The following ACYP2 variants were observed in gnomAD, a reference collection of about 807,000 sequenced individuals.
ACYP2 encodes acylphosphatase 2.
ACYP2 carries 12 observed loss-of-function variants against 11.2 expected under a neutral mutation model. That is an observed-to-expected ratio of 1.08 (90% CI 0.69 to 1.74). The LOEUF (loss-of-function observed/expected upper bound fraction) is 1.74, where lower values mean the gene tolerates loss of function less well. Ranked by LOEUF, ACYP2 falls within the 40% of genes most tolerant of loss-of-function variation. The pLI, the probability that ACYP2 is intolerant of heterozygous loss-of-function variation, is 0.00. For missense variants in ACYP2, 134 were observed against 101.9 expected, an observed-to-expected ratio of 1.31 and a Z score of -1.35; for synonymous variants, 43 against 32.2, an observed-to-expected ratio of 1.33 and a Z score of -1.13.
chr2:54,242,426 A>G lies in ACYP2; in HGVS notation c.405-62262A>G, dbSNP rs554502493. 1.5e-3 allele frequency among the ~76,000 whole-genome samples: 236 copies of G among 152,344 alleles called. 1 individual carries two copies. The highest frequency in any genetic ancestry group is 5.5e-3 in the African/African-American group (229 of 41,578). On this transcript the variant is annotated intron_variant, in intron 6 of 6. Transcript: ENST00000607452. ...TTGGTTTTCTCCATTAAAATGGAAA[A>G]TTGGATTATATTTAGCAGAATGAAC...
At chr2:54,008,459 A>G (rs1172568314) in intron 2 of ACYP2, among the ~76,000 whole-genome samples, 1 of 152,222 alleles carries the variant, frequency 6.6e-6, no homozygotes, top group Admixed American at 6.5e-5. Flanking sequence ...GACTATGTGA[A>G]TAGTCTGAAG....
chr2:54,032,749 G>T (rs560877103), intron 2 of ACYP2, among the ~76,000 whole-genome samples: 1 of 152,222 alleles, frequency 6.6e-6, no homozygotes, highest in South Asian at 2.1e-4. Flanking sequence ...AAATACCTAG[G>T]AATCCAACTT....
At chr2:54,071,650 G>T (rs1677049534) in intron 4 of ACYP2, among the ~76,000 whole-genome samples, 1 of 152,014 alleles carries the variant, frequency 6.6e-6, no homozygotes, top group African/African-American at 2.4e-5. Flanking sequence ...ACAAGACAGG[G>T]TTTCACCATG....
chr2:54,234,173 CCT>C (rs1461178920), intron 6 of ACYP2, among the ~76,000 whole-genome samples: 1 of 152,126 alleles, frequency 6.6e-6, no homozygotes, highest in African/African-American at 2.4e-5. Flanking sequence ...AGAAGGACCC[CCT>C]GTTGAAGCTT....
intron 6 of ACYP2, among the ~76,000 whole-genome samples, chr2:54,158,193 C>CTTGGT (rs1682521959): frequency 8.2e-6 from 1 of 122,166 alleles, no homozygotes; most frequent in Non-Finnish European, 1.7e-5. Flanking sequence ...GCCCAGTTAA[C>CTTGGT]TTTGTTTTTT....
intron 6 of ACYP2, among the ~76,000 whole-genome samples, chr2:54,284,627 C>T (rs1689000760): frequency 6.6e-6 from 1 of 152,118 alleles, no homozygotes; most frequent in African/African-American, 2.4e-5. Flanking sequence ...CACAAATATG[C>T]TCTTGTATCT....
intron 2 of ACYP2, among the ~76,000 whole-genome samples, chr2:53,984,925 C>A (rs1671955041): frequency 6.6e-6 from 1 of 151,842 alleles, no homozygotes; most frequent in South Asian, 2.1e-4. Context: ...AAGCTCTGTA[C>A]CTAACAATGA....
chr2:54,081,351 T>G (rs1477270057), intron 4 of ACYP2, among the ~76,000 whole-genome samples: 1 of 152,194 alleles, frequency 6.6e-6, no homozygotes, highest in African/African-American at 2.4e-5. Context: ...CCATCCACAA[T>G]GCACCTCTAA....
intron 6 of ACYP2, among the ~76,000 whole-genome samples, chr2:54,174,752 C>T (rs1458376388): frequency 6.6e-6 from 1 of 152,130 alleles, no homozygotes; most frequent in Admixed American, 6.6e-5. Flanking sequence ...TGAATTTTGT[C>T]AAAGGCCTTT....
intron 6 of ACYP2, among the ~76,000 whole-genome samples, chr2:54,299,322 G>A (rs1003492156): frequency 5.3e-5 from 8 of 152,092 alleles, no homozygotes; most frequent in Admixed American, 1.3e-4. Flanking sequence ...GGCCGGGCAC[G>A]GTGGCTCATG....
At chr2:54,068,072 C>G (rs1302393896) in intron 4 of ACYP2, among the ~76,000 whole-genome samples, 1 of 152,134 alleles carries the variant, frequency 6.6e-6, no homozygotes, top group Non-Finnish European at 1.5e-5. Flanking sequence ...CACTGATAAG[C>G]CAGCTTAGCT....
chr2:54,099,422 G>T (rs1008658061), intron 4 of ACYP2, among the ~76,000 whole-genome samples: 4 of 152,106 alleles, frequency 2.6e-5, no homozygotes, highest in Middle Eastern at 3.2e-3. Context: ...CCTTTGACCA[G>T]CGTCTCCCCA....
intron 2 of ACYP2, among the ~76,000 whole-genome samples, chr2:54,035,304 C>G (rs1326880076): frequency 2.2e-5 from 3 of 137,254 alleles, no homozygotes; most frequent in Admixed American, 7.9e-5. Context: ...CTCGCTCTGT[C>G]GCCCAGGCTG....
At chr2:54,268,274 T>G (rs1048283233) in intron 6 of ACYP2, among the ~76,000 whole-genome samples, 7 of 152,252 alleles carry the variant, frequency 4.6e-5, no homozygotes, top group African/African-American at 1.7e-4. Context: ...AATGAGGTTG[T>G]TGGACTACTT....
At chr2:54,133,637 G>A (rs1401619674) in intron 4 of ACYP2, among the ~76,000 whole-genome samples, 1 of 152,172 alleles carries the variant, frequency 6.6e-6, no homozygotes, top group Non-Finnish European at 1.5e-5. Flanking sequence ...AAAGAAGCCT[G>A]TTCTAATTCA....
chr2:54,196,652 T>A (rs1471439395), intron 6 of ACYP2, among the ~76,000 whole-genome samples: 1 of 152,242 alleles, frequency 6.6e-6, no homozygotes, highest in African/African-American at 2.4e-5. Flanking sequence ...TGTGAGGGGC[T>A]GTCCTGTGCA....
At chr2:54,265,392 A>AC (rs1687972208) in intron 6 of ACYP2, among the ~76,000 whole-genome samples, 1 of 152,072 alleles carries the variant, frequency 6.6e-6, no homozygotes, top group Non-Finnish European at 1.5e-5. Context: ...GGAAAGACCC[A>AC]CCCCCATGAT....
intron 2 of ACYP2, among the ~76,000 whole-genome samples, chr2:54,039,819 T>TTGTGTGTGTGTGTGTGTGTGTGTGTG (rs751604890): frequency 7.9e-6 from 1 of 126,608 alleles, no homozygotes; most frequent in Non-Finnish European, 1.6e-5. Flanking sequence ...TTGTTTTCTT[T>TTGTGTGTGTGTGTGTGTGTGTGTGTG]TGTGTGTGTG....
intron 2 of ACYP2, among the ~76,000 whole-genome samples, chr2:53,991,190 A>C (rs1435492560): frequency 2.6e-5 from 4 of 151,984 alleles, no homozygotes; most frequent in Non-Finnish European, 5.9e-5. Context: ...TGATTTTATA[A>C]TTTTCTCTCA....
Sources: allele counts gnomAD v4.1 joint callset (sites outside exome capture counted in the v4.1 genomes callset), GRCh38; gene constraint gnomAD v4.1.1; transcripts MANE v1.5; gene names NCBI Gene and HGNC (gene_info 2026-07-23, HGNC 2026-07-21).